The following ABHD3 variants were observed in gnomAD, a reference collection of about 807,000 sequenced individuals.
The protein encoded by ABHD3 is phospholipase ABHD3.
ABHD3 carries 46 observed loss-of-function variants against 48.8 expected under a neutral mutation model. The ratio of observed to expected loss-of-function variants is 0.94; its 90% CI spans 0.74 to 1.20. ABHD3 has a LOEUF of 1.20. Ranked by LOEUF, ABHD3 falls within the 50% of genes most tolerant of loss-of-function variation. The pLI, the probability that ABHD3 is intolerant of heterozygous loss-of-function variation, is 0.00. For synonymous variants in ABHD3, 192 were observed against 183.7 expected (o/e 1.04, Z -0.36); for missense variants, 490 against 497.8 (o/e 0.98, Z 0.15).
chr18:21,681,969 CAAAT>C (rs2040013744), intron 4 of ABHD3, among the ~76,000 whole-genome samples: 1 of 151,950 alleles, frequency 6.6e-6, no homozygotes, highest in Non-Finnish European at 1.5e-5. Flanking sequence ...ACAAAACAAA[CAAAT>C]AAATAAATAA....
At position 21,704,504 on chromosome 18, in the gene ABHD3, C is replaced by T. The variant is rs771421711; in HGVS notation, c.162G>A (p.Lys54=). 1.4e-6 allele frequency: 2 copies of T among 1,443,564 alleles called. No homozygotes were observed. The highest frequency in any genetic ancestry group is 1.8e-6 in the Non-Finnish European group (2 of 1,090,976). The allele number at this position is 1,443,564 out of a possible 1,614,324, so 89.4% of individuals were successfully genotyped here. A position where few individuals can be genotyped will look rare whatever the true frequency, so the allele number is the denominator to read the frequency against. ...YAFYYLSSIA[K]KPQLVTGGES... ...CGGCCCTGCGCCACCCCCGGCTCAC[C>T]TTGGCAATGCTGCTCAGGTAGTAGA... is the stretch of plus-strand genomic sequence containing the variant. The change falls in exon 1 of 9, where the codon AAG becomes AAA. Residue 54 remains lysine, a splice_region_variant and synonymous_variant. Transcript: ENST00000289119.
At chr18:21,699,540 T>G (rs189747978) in intron 3 of ABHD3, among the ~76,000 whole-genome samples, 1 of 152,254 alleles carries the variant, frequency 6.6e-6, no homozygotes, top group African/African-American at 2.4e-5. Flanking sequence ...AAAAATATTT[T>G]GAAGCTCTTC....
At chr18:21,652,704 G>A (rs370149209) in intron 8 of ABHD3, among the ~76,000 whole-genome samples, 1 of 148,592 alleles carries the variant, frequency 6.7e-6, no homozygotes, top group African/African-American at 2.5e-5. Context: ...GAACCCGGGA[G>A]GCGGAGATTG....
chr18:21,702,121 C>G lies in ABHD3; in HGVS notation c.509+195G>C, dbSNP rs992601118. 2.4e-5 allele frequency: 12 copies of G among 505,002 alleles called. No individual in the cohort carries two copies. In the Middle Eastern group the frequency reaches 1.6e-3, roughly 67 times the overall value. The allele number at this position is 505,002 out of a possible 1,614,324, so 31.3% of individuals were successfully genotyped here. The stretch of plus-strand genomic sequence containing the variant: ...GCAGAGTGTCTACTATGCTAAGTGA[C>G]ATTTCTTGTGAGATGATTCAGTTAT... On this transcript the variant is annotated intron_variant, in intron 3 of 8. Coordinates refer to ENST00000289119, the MANE Select transcript of ABHD3 (RefSeq NM_138340.5).
intron 3 of ABHD3, among the ~76,000 whole-genome samples, chr18:21,695,316 C>T (rs1046739458): frequency 6.6e-6 from 1 of 152,204 alleles, no homozygotes; most frequent in Non-Finnish European, 1.5e-5. Flanking sequence ...AGGCGTGAGC[C>T]ATCATGCATG....
chr18:21,684,687 C>A lies in ABHD3; in HGVS notation c.510-722G>T, dbSNP rs146206704. Among the ~76,000 whole-genome samples the A allele has an allele frequency of 6.4e-4, 97 of 152,166 alleles. 2 individuals are homozygous for A. The highest frequency in any genetic ancestry group is 2.2e-3 in the African/African-American group (92 of 41,504). On this transcript the variant is annotated intron_variant, in intron 3 of 8. Transcript: ENST00000289119. ...ACCCATTGCATTTGTAACATTCATACGTATCTATTTATATTCTAAGAAACA... is the reference window on the plus strand; with the variant it reads ...ACCCATTGCATTTGTAACATTCATAAGTATCTATTTATATTCTAAGAAACA...
chr18:21,703,811 A>G, intron 1 of ABHD3, 64 bp from the exon 2 acceptor site: 1 of 1,566,498 alleles, frequency 6.4e-7, no homozygotes, highest in East Asian at 2.3e-5. Flanking sequence ...GTAAACCAGA[A>G]ACCGGCAAAG....
intron 3 of ABHD3, among the ~76,000 whole-genome samples, chr18:21,686,448 G>C (rs1349146136): frequency 6.6e-6 from 1 of 152,168 alleles, no homozygotes; most frequent in Non-Finnish European, 1.5e-5. Context: ...GTGAGAGAAG[G>C]CAAGAACACT....
chr18:21,682,088 G>A (rs1194516037), intron 4 of ABHD3: 1 of 152,514 alleles, frequency 6.6e-6, no homozygotes, highest in Non-Finnish European at 1.5e-5. Flanking sequence ...AGTGAGCCAT[G>A]ATTGTGCCAC....
intron 3 of ABHD3, among the ~76,000 whole-genome samples, chr18:21,690,667 T>G (rs1234251956): frequency 6.8e-6 from 1 of 147,952 alleles, no homozygotes; most frequent in Non-Finnish European, 1.5e-5. Flanking sequence ...GAACCTCAAT[T>G]AAAAGATGGA....
chr18:21,653,292 A>T (rs1458330413), intron 8 of ABHD3, among the ~76,000 whole-genome samples: 5 of 151,434 alleles, frequency 3.3e-5, no homozygotes, highest in African/African-American at 4.8e-5. Context: ...GCACCACTGC[A>T]CTCCAGCCTG....
intron 8 of ABHD3, among the ~76,000 whole-genome samples, chr18:21,652,133 G>A (rs1252334730): frequency 1.3e-5 from 2 of 152,102 alleles, no homozygotes; most frequent in African/African-American, 4.8e-5. Flanking sequence ...TGTTAGGGCA[G>A]GGGAAAAAAC....
chr18:21,688,782 A>G (rs1198871919), intron 3 of ABHD3, among the ~76,000 whole-genome samples: 2 of 152,224 alleles, frequency 1.3e-5, no homozygotes, highest in Non-Finnish European at 2.9e-5. Context: ...TAAAGATTCC[A>G]GCAAAAGGCA....
At chr18:21,692,456 T>C (rs2040273709) in intron 3 of ABHD3, among the ~76,000 whole-genome samples, 1 of 152,206 alleles carries the variant, frequency 6.6e-6, no homozygotes, top group Admixed American at 6.5e-5. Flanking sequence ...AATTTAATTG[T>C]AACCAACCAA....
intron 3 of ABHD3, among the ~76,000 whole-genome samples, chr18:21,692,442 G>A (rs2040273268): frequency 6.6e-6 from 1 of 152,182 alleles, no homozygotes; most frequent in Admixed American, 6.6e-5. Flanking sequence ...ACTCAGCAAA[G>A]CTGAATTTAA....
intron 3 of ABHD3, among the ~76,000 whole-genome samples, chr18:21,691,776 T>C (rs900555544): frequency 4.6e-5 from 7 of 152,202 alleles, no homozygotes; most frequent in Non-Finnish European, 8.8e-5. Flanking sequence ...ATATCACAGG[T>C]ATGCATTATC....
chr18:21,694,646 TG>T (rs1227841707), intron 3 of ABHD3, among the ~76,000 whole-genome samples: 9 of 152,094 alleles, frequency 5.9e-5, no homozygotes, highest in Non-Finnish European at 1.2e-4. Context: ...ATCCCTCGAG[TG>T]ATCCTTTTGC....
intron 3 of ABHD3, among the ~76,000 whole-genome samples, chr18:21,689,228 CA>C (rs1220950726): frequency 6.6e-6 from 1 of 151,940 alleles, no homozygotes; most frequent in African/African-American, 2.4e-5. Flanking sequence ...GGGTATTACT[CA>C]ATGATAAATA....
chr18:21,652,552 G>A (rs1332401867), intron 8 of ABHD3, among the ~76,000 whole-genome samples: 3 of 152,144 alleles, frequency 2.0e-5, no homozygotes, highest in African/African-American at 7.2e-5. Flanking sequence ...TGAGGCAGGT[G>A]GATCACGAGG....
Sources: gnomAD v4.1 joint callset for allele counts (sites outside exome capture counted in the v4.1 genomes callset) on GRCh38, gnomAD v4.1.1 for gene constraint, MANE v1.5 for transcripts, NCBI Gene and HGNC (gene_info 2026-07-23, HGNC 2026-07-21) for gene names.